The following MACO1 variants were observed in gnomAD, a reference collection of about 807,000 sequenced individuals.
MACO1 encodes the protein macoilin 1.
MACO1 carries 14 observed loss-of-function variants against 78.7 expected under a neutral mutation model. The ratio of observed to expected loss-of-function variants is 0.18; its 90% CI spans 0.12 to 0.28. MACO1 has a LOEUF of 0.28. Ranked by LOEUF, MACO1 falls within the 10% of genes least tolerant of loss-of-function variation. The pLI is 1.00. For missense variants in MACO1, 501 were observed against 799.0 expected (o/e 0.63, Z 4.50); for synonymous variants, 288 against 291.6 (o/e 0.99, Z 0.12).
intron 1 of MACO1, among the ~76,000 whole-genome samples, chr1:25,435,120 C>G (rs761415619): frequency 2.0e-5 from 3 of 152,062 alleles, no homozygotes; most frequent in Non-Finnish European, 2.9e-5. Flanking sequence ...AAATATAATA[C>G]GAATTTTAAG....
chr1:25,449,032 G>A (rs2043040930), intron 3 of MACO1, 98 bp downstream of exon 3: 1 of 1,168,148 alleles, frequency 8.6e-7, no homozygotes, highest in Non-Finnish European at 1.1e-6. Flanking sequence ...TGAGTTTAAT[G>A]TGGACATTTT....
intron 8 of MACO1, among the ~76,000 whole-genome samples, chr1:25,487,533 T>A (rs1013038707): frequency 2.6e-5 from 4 of 152,210 alleles, no homozygotes; most frequent in African/African-American, 9.7e-5. Flanking sequence ...ACACCTACTT[T>A]CTTCATTGGG....
chr1:25,465,934 G>A (rs1304192093), intron 6 of MACO1, among the ~76,000 whole-genome samples: 5 of 152,200 alleles, frequency 3.3e-5, no homozygotes, highest in African/African-American at 1.2e-4. Flanking sequence ...TGCTGCAAAA[G>A]ACATAATTTC....
chr1:25,439,583 C>CT (rs1422738777), intron 1 of MACO1, among the ~76,000 whole-genome samples: 3 of 151,748 alleles, frequency 2.0e-5, no homozygotes, highest in Non-Finnish European at 4.4e-5. Context: ...GCCTGCTCCC[C>CT]TTTTTTGGAT....
At chr1:25,442,312 A>G (rs779820847) in intron 1 of MACO1, among the ~76,000 whole-genome samples, 5 of 152,238 alleles carry the variant, frequency 3.3e-5, no homozygotes, top group African/African-American at 4.8e-5. Flanking sequence ...TCTAGGAAGT[A>G]TGGCAGATAC....
chr1:25,455,226 A>G (rs1410382836), intron 4 of MACO1, among the ~76,000 whole-genome samples: 2 of 152,188 alleles, frequency 1.3e-5, no homozygotes, highest in South Asian at 2.1e-4. Context: ...TTTTGAATGA[A>G]TATTATTTCT....
rs2043069483 is a variant in MACO1 at position 25,451,872 on chromosome 1, T to TCACTGCACTCCAGCACTC, written c.350-2372_350-2355dup. Among the ~76,000 whole-genome samples, 3 of 149,080 alleles carry TCACTGCACTCCAGCACTC rather than the reference T, an allele frequency of 2.0e-5. No individual in the cohort carries two copies. In the Admixed American group the frequency reaches 2.0e-4, roughly 10 times the overall value. On this transcript the variant is annotated intron_variant, in intron 3 of 10. Transcript: ENST00000374343. Reference sequence around the variant, plus strand: ...AGTGAGCTGAGATTGCACCTGTACTTCACTGCACTCCAGCACTCCACTGCA... The same window carrying TCACTGCACTCCAGCACTC: ...AGTGAGCTGAGATTGCACCTGTACTTCACTGCACTCCAGCACTCCACTGCACTCCAGCACTCCACTGCA...
chr1:25,431,219 G>C, intron 1 of MACO1, 41 bp downstream of exon 1: 1 of 1,520,580 alleles, frequency 6.6e-7, no homozygotes, highest in Non-Finnish European at 8.9e-7. Flanking sequence ...CGGGCCCTGC[G>C]GTCCCCCTCC....
In MACO1 at chr1:25,431,075, G is replaced by A; in HGVS notation, c.-24G>A. ...GGTGAGAGACGGCGGCGGCGGCGCG[G>A]GCACCCGGCCCCCCAGCGGGAGGAT... On this transcript the variant is annotated 5_prime_UTR_variant, in exon 1 of 11. Coordinates refer to ENST00000374343, the MANE Select transcript of MACO1 (RefSeq NM_018202.6). The A allele has an allele frequency of 6.4e-7, 1 of 1,564,478 alleles. No individual in the cohort carries two copies. The highest frequency in any genetic ancestry group is 8.6e-7 in the Non-Finnish European group (1 of 1,158,212).
At position 25,498,381 on chromosome 1, in the gene MACO1, C is replaced by T. The variant is rs1467916000; in HGVS notation, c.1910C>T (p.Ser637Phe). 1 of 1,614,022 alleles carries T rather than the reference C, an allele frequency of 6.2e-7. No individual in the cohort carries two copies. The highest frequency in any genetic ancestry group is 1.7e-5 in the Admixed American group (1 of 60,008). The change falls in exon 11 of 11, where the codon TCC (serine) becomes TTC (phenylalanine). Residue 637 changes from serine to phenylalanine, a missense_variant. Transcript: ENST00000374343. ...SAATSPLSPVSPHYSSKFVET... is the reference protein window; with the variant it reads ...SAATSPLSPVFPHYSSKFVET... ...GCCACCAGCCCCCTGAGCCCTGTTT[C>T]CCCCCACTACTCTTCCAAATTTGTG...
intron 6 of MACO1, among the ~76,000 whole-genome samples, chr1:25,473,330 C>T (rs1021858919): frequency 6.6e-6 from 1 of 151,868 alleles, no homozygotes; most frequent in Non-Finnish European, 1.5e-5. Flanking sequence ...GCTTGAAAAA[C>T]GTGGCATTTT....
At chr1:25,431,234 C>T in intron 1 of MACO1, 56 bp downstream of exon 1, 1 of 1,401,804 alleles carries the variant, frequency 7.1e-7, no homozygotes, top group South Asian at 1.3e-5. Flanking sequence ...CCCTCCAGCT[C>T]CGAGGGGCCT....
At chr1:25,451,847 A>G (rs189951281) in intron 3 of MACO1, among the ~76,000 whole-genome samples, 241 of 151,714 alleles carry the variant, frequency 1.6e-3, no homozygotes, top group African/African-American at 5.6e-3. Context: ...CAGAGGTTGC[A>G]GTGAGCTGAG....
In MACO1 at chr1:25,484,194, C is replaced by G; in HGVS notation, c.1233C>G (p.Ile411Met). The G allele has an allele frequency of 6.2e-7, 1 of 1,614,022 alleles. No individual in the cohort carries two copies. The highest frequency in any genetic ancestry group is 8.5e-7 in the Non-Finnish European group (1 of 1,180,006). ...TGGAACAAGAGCTCCGCAGTCAGAT[C>G]AGCTCCCTTTCGAGCACCGAGCGAG... is the stretch of plus-strand genomic sequence containing the variant. Reference protein sequence around the residue: ...RQVEQELRSQISSLSSTERGI... With the variant: ...RQVEQELRSQMSSLSSTERGI... The change falls in exon 7 of 11, where the codon ATC (isoleucine) becomes ATG (methionine). Residue 411 changes from isoleucine to methionine, a missense_variant. Physicochemically the swap from Ile to Met is conservative, Grantham distance 10. Around this residue, in one of 5 missense-constraint regions of MACO1, gnomAD observed 163 missense variants for 271.9 expected, o/e 0.60. Transcript: ENST00000374343.
intron 5 of MACO1, 34 bp downstream of exon 5, chr1:25,456,865 G>A (rs773812854): frequency 9.1e-6 from 14 of 1,544,998 alleles, no homozygotes; most frequent in South Asian, 8.8e-5. Flanking sequence ...TGGCTCAATA[G>A]GCTAGTCATT....
chr1:25,443,093 C>T (rs1396520707), intron 1 of MACO1, among the ~76,000 whole-genome samples: 1 of 152,122 alleles, frequency 6.6e-6, no homozygotes, highest in Non-Finnish European at 1.5e-5. Flanking sequence ...ATTTTCTCAT[C>T]CCTTGGAATG....
chr1:25,489,380 C>G (rs2043464474), intron 9 of MACO1, 87 bp downstream of exon 9: 2 of 1,450,238 alleles, frequency 1.4e-6, no homozygotes, highest in Non-Finnish European at 1.9e-6. Flanking sequence ...AGAGATGATG[C>G]CTTTTAATAT....
chr1:25,437,351 C>T (rs562600439), intron 1 of MACO1, among the ~76,000 whole-genome samples: 79 of 127,214 alleles, frequency 6.2e-4, no homozygotes, highest in African/African-American at 2.3e-3. Context: ...AAGATGGAGT[C>T]TCGCCGTGTT....
intron 6 of MACO1, among the ~76,000 whole-genome samples, chr1:25,480,925 AAAAAATAT>A (rs2043367062): frequency 3.1e-5 from 1 of 32,118 alleles, no homozygotes; most frequent in African/African-American, 9.2e-5. Context: ...AAAAAAAAAA[AAAAAATAT>A]ATATATATAT....
Sources: allele counts gnomAD v4.1 joint callset (sites outside exome capture counted in the v4.1 genomes callset), GRCh38; gene constraint gnomAD v4.1.1; regional missense constraint gnomAD v4.1.1; transcripts MANE v1.5; gene names NCBI Gene and HGNC (gene_info 2026-07-23, HGNC 2026-07-21).